HCN1: variants seen among roughly 807,000 people sequenced by gnomAD.
HCN1 encodes the protein potassium/sodium hyperpolarization-activated cyclic nucleotide-gated channel 1.
A neutral mutation model predicts 78.9 loss-of-function variants in HCN1; 13 were observed. That is an observed-to-expected ratio of 0.16 (90% CI 0.11 to 0.26). The LOEUF (loss-of-function observed/expected upper bound fraction) is 0.26, where lower values mean the gene tolerates loss of function less well. Ranked by LOEUF, HCN1 falls within the 10% of genes least tolerant of loss-of-function variation. The pLI is 1.00. For synonymous variants in HCN1, 552 were observed against 455.5 expected (o/e 1.21, Z -2.70); for missense variants, 810 against 1,154.3 (o/e 0.70, Z 4.32).
chr5:45,480,014 A>G (rs1443145171), intron 2 of HCN1: 1 of 152,642 alleles, frequency 6.6e-6, no homozygotes, highest in African/African-American at 2.4e-5. Flanking sequence ...GGAATTAAGT[A>G]AATCATTCTA....
rs151173081 is a variant in HCN1, at chr5:45,347,460, C to G, written c.1377+5640G>C. Among the ~76,000 whole-genome samples, 790 of 152,304 alleles carry G rather than the reference C, an allele frequency of 5.2e-3. 6 individuals carry two copies. The highest frequency in any genetic ancestry group is 7.4e-3 in the Non-Finnish European group (502 of 68,026). On this transcript the variant is annotated intron_variant, in intron 5 of 7. Transcript: ENST00000303230. Reference sequence around the variant, plus strand: ...GGAAACTCTAAAAAGCAGAGCACCTCTCCTCCTCCAAAGGAACGCAGTTGG... The same window carrying G: ...GGAAACTCTAAAAAGCAGAGCACCTGTCCTCCTCCAAAGGAACGCAGTTGG...
At chr5:45,477,629 T>C (rs1741546795) in intron 2 of HCN1, among the ~76,000 whole-genome samples, 2 of 152,120 alleles carry the variant, frequency 1.3e-5, no homozygotes, top group Admixed American at 1.3e-4. Context: ...ATAAGATAAA[T>C]TCTTTGAAAA....
chr5:45,418,466 G>A (rs1740162083), intron 3 of HCN1, among the ~76,000 whole-genome samples: 1 of 150,078 alleles, frequency 6.7e-6, no homozygotes, highest in South Asian at 2.1e-4. Flanking sequence ...AACAAATAAT[G>A]CTGATAGCAT....
chr5:45,354,310 A>AG (rs1323667964), intron 4 of HCN1, among the ~76,000 whole-genome samples: 3 of 151,998 alleles, frequency 2.0e-5, no homozygotes, highest in Non-Finnish European at 4.4e-5. Context: ...CTGAAAAAAA[A>AG]ATAATTAGGT....
At chr5:45,309,019 G>A (rs768593257) in intron 5 of HCN1, among the ~76,000 whole-genome samples, 11 of 152,056 alleles carry the variant, frequency 7.2e-5, no homozygotes, top group Non-Finnish European at 1.2e-4. Flanking sequence ...TTTTCCATTT[G>A]TTTGTATCAT....
intron 2 of HCN1, among the ~76,000 whole-genome samples, chr5:45,566,331 T>C (rs967060688): frequency 2.0e-5 from 3 of 152,188 alleles, no homozygotes; most frequent in Non-Finnish European, 2.9e-5. Flanking sequence ...GTCATTACTC[T>C]CCCACATTTG....
intron 7 of HCN1, 102 bp from the exon 8 acceptor site, chr5:45,262,912 C>A: frequency 7.7e-7 from 1 of 1,292,676 alleles, no homozygotes; most frequent in South Asian, 1.2e-5. Context: ...CTGTGCTTCA[C>A]AGGAGAGGCT....
chr5:45,667,614 A>T (rs1358006549), intron 1 of HCN1, among the ~76,000 whole-genome samples: 1 of 152,038 alleles, frequency 6.6e-6, no homozygotes, highest in Non-Finnish European at 1.5e-5. Context: ...GCATTGAAAG[A>T]AAATCATGCC....
intron 2 of HCN1, among the ~76,000 whole-genome samples, chr5:45,593,338 TCTCA>T (rs1430778760): frequency 4.5e-4 from 54 of 120,108 alleles, no homozygotes; most frequent in East Asian, 3.6e-3. Context: ...TCTCTCTCTC[TCTCA>T]CACACACACA....
intron 2 of HCN1, among the ~76,000 whole-genome samples, chr5:45,565,724 T>C (rs1328991858): frequency 1.3e-5 from 2 of 152,010 alleles, no homozygotes; most frequent in East Asian, 3.9e-4. Context: ...GGATGGTTTG[T>C]TCCCTGGAGG....
chr5:45,504,440 T>G (rs1446645656), intron 2 of HCN1, among the ~76,000 whole-genome samples: 1 of 152,216 alleles, frequency 6.6e-6, no homozygotes, highest in Non-Finnish European at 1.5e-5. Flanking sequence ...CATCCTTTTT[T>G]TTGGCTGCAT....
intron 3 of HCN1, among the ~76,000 whole-genome samples, chr5:45,407,801 T>G (rs1221784253): frequency 1.1e-4 from 17 of 152,100 alleles, no homozygotes; most frequent in Admixed American, 1.1e-3. Context: ...TGAGCCACCA[T>G]GCCCGGCCCA....
chr5:45,433,760 C>A (rs529057201), intron 3 of HCN1, among the ~76,000 whole-genome samples: 1 of 152,206 alleles, frequency 6.6e-6, no homozygotes, highest in Admixed American at 6.5e-5. Flanking sequence ...CCATTTCAAA[C>A]TAGATAATTT....
intron 2 of HCN1, among the ~76,000 whole-genome samples, chr5:45,515,343 T>G (rs1295923434): frequency 6.6e-6 from 1 of 151,958 alleles, no homozygotes; most frequent in Non-Finnish European, 1.5e-5. Flanking sequence ...AAACTTAGCG[T>G]TTTTACCCAA....
chr5:45,667,645 G>A (rs1469151545), intron 1 of HCN1, among the ~76,000 whole-genome samples: 1 of 151,916 alleles, frequency 6.6e-6, no homozygotes, highest in Non-Finnish European at 1.5e-5. Context: ...CTAAATGTCT[G>A]CAAGTTATAA....
At chr5:45,479,492 A>G (rs138838039) in intron 2 of HCN1, among the ~76,000 whole-genome samples, 3 of 152,332 alleles carry the variant, frequency 2.0e-5, no homozygotes, top group African/African-American at 7.2e-5. Context: ...TTGTTGTTGG[A>G]ATAGTTCAAG....
chr5:45,441,627 A>T (rs1009294712), intron 3 of HCN1, among the ~76,000 whole-genome samples: 2 of 152,214 alleles, frequency 1.3e-5, no homozygotes, highest in African/African-American at 4.8e-5. Context: ...AATATGCTTG[A>T]AATATTTTTA....
At position 45,262,699 on chromosome 5, in the gene HCN1, A is replaced by G; in HGVS notation, c.1895T>C (p.Met632Thr). The G allele has an allele frequency of 6.2e-7, 1 of 1,614,086 alleles. No homozygotes were observed. The change falls in exon 8 of 8, where the codon ATG becomes ACG. Residue 632 changes from methionine (M) to threonine (T), a missense_variant. Met to Thr is a moderately conservative substitution (Grantham distance 81). Coordinates refer to ENST00000303230, the MANE Select transcript of HCN1 (RefSeq NM_021072.4). ...LKQIVKHDRE[M>T]VQAIAPINYP... ...ATTGATGGGAGCGATTGCCTGCACC[A>G]TCTCCCTGTCATGTTTCACAATCTG...
In HCN1 at chr5:45,275,604, A is replaced by G. The variant is rs1052835650; in HGVS notation, c.1619-8351T>C. On this transcript the variant is annotated intron_variant, in intron 6 of 7. Coordinates refer to ENST00000303230, the MANE Select transcript of HCN1 (RefSeq NM_021072.4). Reference sequence around the variant, plus strand: ...AGCTTGCATAAAATCAGCTTTACATAATACTGTTGGTAAACTTATATAGAA... The same window carrying G: ...AGCTTGCATAAAATCAGCTTTACATGATACTGTTGGTAAACTTATATAGAA... Among the ~76,000 whole-genome samples, 3 of 152,120 alleles carry G rather than the reference A, an allele frequency of 2.0e-5. No homozygotes were observed. In the East Asian group the frequency reaches 5.8e-4, roughly 29 times the overall value.
Sources: allele counts gnomAD v4.1 joint callset (sites outside exome capture counted in the v4.1 genomes callset), GRCh38; gene constraint gnomAD v4.1.1; transcripts MANE v1.5; gene names NCBI Gene and HGNC (gene_info 2026-07-23, HGNC 2026-07-21).